The following NCAM1 variants were observed in gnomAD, a reference collection of about 807,000 sequenced individuals.
NCAM1 encodes antigen recognized by monoclonal antibody 5.1H11.
In NCAM1, 14 loss-of-function variants were observed where a neutral mutation model predicts 109.8. The ratio of observed to expected loss-of-function variants is 0.13; its 90% confidence interval spans 0.08 to 0.20. The LOEUF (loss-of-function observed/expected upper bound fraction) is 0.20, where lower values mean the gene tolerates loss of function less well. Ranked by LOEUF, NCAM1 falls within the 10% of genes least tolerant of loss-of-function variation. The pLI is 1.00. For missense variants in NCAM1, 774 were observed against 1,109.9 expected, an observed-to-expected ratio of 0.70 and a Z score of 4.30; for synonymous variants, 418 against 442.9, an observed-to-expected ratio of 0.94 and a Z score of 0.70.
intron 1 of NCAM1, among the ~76,000 whole-genome samples, chr11:112,972,197 G>A (rs1265610831): frequency 6.6e-6 from 1 of 152,136 alleles, no homozygotes; most frequent in Admixed American, 6.6e-5. Context: ...GGTTGATGAG[G>A]TAAGTATGTG....
chr11:113,076,175 GCC>G (rs10566970), intron 1 of NCAM1, among the ~76,000 whole-genome samples: 127,451 of 151,946 alleles, frequency 0.84, 53,953 homozygotes, highest in African/African-American at 0.96. Context: ...TGGTCAGAAG[GCC>G]CCACACACAG....
Position 113,275,453 on chromosome 11 carries a change from C to T in NCAM1, c.*66C>T. The T allele has an allele frequency of 6.4e-7, 1 of 1,560,900 alleles. No individual in the cohort carries two copies. The highest frequency in any genetic ancestry group is 8.7e-7 in the Non-Finnish European group (1 of 1,149,488). ...CACAGCAGCTTCACCAGAGCATTTC[C>T]AACACCACAGACACACACACGCACG... On this transcript the variant is annotated 3_prime_UTR_variant, in exon 20 of 20. Coordinates refer to ENST00000316851, the MANE Select transcript of NCAM1 (RefSeq NM_181351.5).
chr11:113,114,005 G>A (rs1446962529), intron 1 of NCAM1, among the ~76,000 whole-genome samples: 4 of 152,206 alleles, frequency 2.6e-5, no homozygotes, highest in African/African-American at 4.8e-5. Flanking sequence ...TTAAACTAGC[G>A]ATGTATTCTG....
Position 113,123,765 on chromosome 11 carries a change from C to T in NCAM1, c.53-78614C>T, listed in dbSNP as rs532992443. On this transcript the variant is annotated intron_variant, in intron 1 of 19. Transcript: ENST00000316851. ...GCTTTATCAAGCCACCCCTCAGCTC[C>T]GCTCCTGGTGGTACAGCCCACAGCC... Among the ~76,000 whole-genome samples the T allele has an allele frequency of 2.0e-4, 30 of 152,316 alleles. No individual in the cohort carries two copies. In the South Asian group the frequency reaches 2.9e-3, roughly 15 times the overall value.
At chr11:112,968,313 T>G (rs1055835178) in intron 1 of NCAM1, among the ~76,000 whole-genome samples, 1 of 152,194 alleles carries the variant, frequency 6.6e-6, no homozygotes, top group East Asian at 1.9e-4. Context: ...ATAAAGCAAT[T>G]GCTATTATTA....
intron 1 of NCAM1, among the ~76,000 whole-genome samples, chr11:113,116,173 G>A (rs2135991753): frequency 6.6e-6 from 1 of 152,270 alleles, no homozygotes; most frequent in African/African-American, 2.4e-5. Flanking sequence ...TGACAGTAAG[G>A]GCTGTCTCAT....
intron 1 of NCAM1, among the ~76,000 whole-genome samples, chr11:112,966,659 A>G (rs1350208712): frequency 1.3e-5 from 2 of 152,232 alleles, no homozygotes; most frequent in Non-Finnish European, 2.9e-5. Context: ...TGGCGTTGGC[A>G]GTGGTGCCAT....
intron 9 of NCAM1, among the ~76,000 whole-genome samples, chr11:113,227,002 A>C (rs1944871862): frequency 6.6e-6 from 1 of 152,224 alleles, no homozygotes; most frequent in Non-Finnish European, 1.5e-5. Context: ...TTGACACCCT[A>C]ACACCACAAT....
intron 8 of NCAM1, among the ~76,000 whole-genome samples, chr11:113,215,023 A>T (rs1555114168): frequency 6.6e-6 from 1 of 152,230 alleles, no homozygotes; most frequent in Non-Finnish European, 1.5e-5. Flanking sequence ...ACATTTGGAT[A>T]CCATTTTGTT....
rs2134425257 is a variant in NCAM1, at chr11:112,963,060, C to T, written c.52+1396C>T. 1 of 152,366 alleles carries T rather than the reference C, an allele frequency of 6.6e-6. No individual in the cohort carries two copies. Among genetic ancestry groups the T allele is most frequent in the South Asian group, 2.1e-4 (1 of 4,830 alleles). 9.4% of individuals were successfully genotyped at this position (152,366 alleles called of 1,614,324 possible). ...AAGAGCAGCGCTCGGCCGCCGCCTC[C>T]AGCCAACTCGGGTCCCTCCCACGGC... is the stretch of plus-strand genomic sequence containing the variant. On this transcript the variant is annotated intron_variant, in intron 1 of 19. Transcript: ENST00000316851. This position sits in a 1 kb window ranked among gnomAD's most constrained non-coding sequence, Gnocchi z 4.6.
chr11:113,228,664 G>A (rs1555116670), intron 9 of NCAM1, among the ~76,000 whole-genome samples: 2 of 152,158 alleles, frequency 1.3e-5, no homozygotes, highest in African/African-American at 2.4e-5. Context: ...GAGGCATCAT[G>A]CTACCTGACT....
chr11:113,000,235 T>C (rs1555072161), intron 1 of NCAM1, among the ~76,000 whole-genome samples: 1 of 152,200 alleles, frequency 6.6e-6, no homozygotes, highest in Non-Finnish European at 1.5e-5. Context: ...GATAACATGA[T>C]GAGTAAAAAG....
In NCAM1 at chr11:113,263,275, T is replaced by TCCCCA. The variant is rs1946058788; in HGVS notation, c.2131+2952_2131+2953insCCCCA. The TCCCCA allele has an allele frequency of 2.9e-6, 3 of 1,022,762 alleles. No individual in the cohort carries two copies. In the Admixed American group the frequency reaches 1.6e-4, roughly 54 times the overall value. The allele number at this position is 1,022,762 out of a possible 1,614,324, so 63.4% of individuals were successfully genotyped here. ...ATTTTGGGTTCAAACCTAAATATGA[T>TCCCCA]GTAGCAGAGGAAGAATTCTAAGTAC... On this transcript the variant is annotated intron_variant, in intron 17 of 19. Transcript: ENST00000316851.
chr11:113,016,655 G>C (rs1233685576), intron 1 of NCAM1, among the ~76,000 whole-genome samples: 2 of 152,106 alleles, frequency 1.3e-5, no homozygotes, highest in Non-Finnish European at 2.9e-5. Context: ...AGACTTTACT[G>C]GTGCAAGCTG....
chr11:113,009,780 A>G (rs1951998823), intron 1 of NCAM1, among the ~76,000 whole-genome samples: 2 of 152,176 alleles, frequency 1.3e-5, no homozygotes, highest in African/African-American at 2.4e-5. Context: ...AGGGAGTAAT[A>G]TGGGTTTGGA....
intron 1 of NCAM1, among the ~76,000 whole-genome samples, chr11:113,077,408 T>C (rs1441473307): frequency 1.3e-5 from 2 of 152,198 alleles, no homozygotes; most frequent in Non-Finnish European, 2.9e-5. Context: ...CTAGGCACAC[T>C]GCAAGTGTTT....
At chr11:113,224,620 C>T (rs527739437) in intron 9 of NCAM1, among the ~76,000 whole-genome samples, 24 of 152,344 alleles carry the variant, frequency 1.6e-4, no homozygotes, top group East Asian at 7.7e-4. Context: ...GATCCGAGAA[C>T]GGACAGACTG....
chr11:113,082,835 C>G (rs770200377), intron 1 of NCAM1, among the ~76,000 whole-genome samples: 14 of 152,182 alleles, frequency 9.2e-5, no homozygotes, highest in Non-Finnish European at 1.8e-4. Context: ...AAGCAACCCT[C>G]TATGTCCCTG....
chr11:113,268,155 G>A (rs921300639), intron 17 of NCAM1, among the ~76,000 whole-genome samples: 1 of 152,250 alleles, frequency 6.6e-6, no homozygotes, highest in Non-Finnish European at 1.5e-5. Context: ...TGAAGACCAA[G>A]AAGGCCTGTG....
Sources: gnomAD v4.1 joint callset for allele counts (sites outside exome capture counted in the v4.1 genomes callset) on GRCh38, gnomAD v4.1.1 for gene constraint, Gnocchi (gnomAD v3.1) non-coding constraint, MANE v1.5 for transcripts, NCBI Gene and HGNC (gene_info 2026-07-23, HGNC 2026-07-21) for gene names.